Variants in AKAP19 observed in about 807,000 individuals in gnomAD.
AKAP19 encodes the protein A-kinase anchoring protein 19.
At chr2:190,095,312 T>C in the AKAP19 span, among the ~76,000 whole-genome samples, 1 of 152,192 alleles carries the variant, frequency 6.6e-6, no homozygotes, top group East Asian at 1.9e-4. Context: ...CCTTTGGTAA[T>C]ATCAGTGCAA....
At chr2:190,166,750 G>A in the AKAP19 span, among the ~76,000 whole-genome samples, 2 of 151,972 alleles carry the variant, frequency 1.3e-5, no homozygotes, top group Non-Finnish European at 2.9e-5. Context: ...GAATAGAATG[G>A]GACTTCCTTG....
At chr2:189,996,843 C>T in the AKAP19 span, among the ~76,000 whole-genome samples, 1 of 152,170 alleles carries the variant, frequency 6.6e-6, no homozygotes, top group Non-Finnish European at 1.5e-5. Context: ...GAGAGCTGGA[C>T]TGCACTGTTT....
chr2:190,069,872 G>C, the AKAP19 span, among the ~76,000 whole-genome samples: 1 of 152,222 alleles, frequency 6.6e-6, no homozygotes, highest in South Asian at 2.1e-4. Context: ...AGGATGTTAA[G>C]GTTATTCTAT....
At chr2:189,883,507 GTTTT>G in the AKAP19 span, among the ~76,000 whole-genome samples, 2 of 123,768 alleles carry the variant, frequency 1.6e-5, no homozygotes, top group African/African-American at 2.8e-5. Context: ...GTTTCTTCCT[GTTTT>G]TTTTTTTTTT....
the AKAP19 span, among the ~76,000 whole-genome samples, chr2:190,029,262 G>C: frequency 6.6e-6 from 1 of 152,058 alleles, no homozygotes; most frequent in Non-Finnish European, 1.5e-5. Context: ...ATGTTGGTCA[G>C]GCTGGTCTTA....
the AKAP19 span, among the ~76,000 whole-genome samples, chr2:190,103,346 T>C: frequency 2.2e-4 from 34 of 152,166 alleles, no homozygotes; most frequent in African/African-American, 7.0e-4. Context: ...GCCAGAGCAA[T>C]CGGAAGAGAA....
chr2:190,167,520 C>T, the AKAP19 span, among the ~76,000 whole-genome samples: 1,097 of 152,252 alleles, frequency 7.2e-3, 5 homozygotes, highest in Middle Eastern at 0.02. Context: ...AGTCCACAGC[C>T]AAAATGAGAC....
the AKAP19 span, among the ~76,000 whole-genome samples, chr2:190,035,380 A>G: frequency 1.3e-4 from 20 of 151,992 alleles, no homozygotes; most frequent in East Asian, 5.8e-4. Flanking sequence ...GCAGTGAGCC[A>G]AGATCGTGCC....
At chr2:189,995,298 TA>T in the AKAP19 span, among the ~76,000 whole-genome samples, 1 of 152,224 alleles carries the variant, frequency 6.6e-6, no homozygotes, top group Non-Finnish European at 1.5e-5. Flanking sequence ...GGAGCTCCAG[TA>T]TTAGGTGCAT....
At chr2:189,999,283 T>C in the AKAP19 span, among the ~76,000 whole-genome samples, 1 of 152,204 alleles carries the variant, frequency 6.6e-6, no homozygotes, top group South Asian at 2.1e-4. Flanking sequence ...TGTTTCGTTT[T>C]CATTTATTTC....
chr2:190,166,107 G>T, the AKAP19 span, among the ~76,000 whole-genome samples: 3 of 151,832 alleles, frequency 2.0e-5, no homozygotes, highest in Non-Finnish European at 2.9e-5. Flanking sequence ...AGAAGCACTG[G>T]TGAACAAAGA....
the AKAP19 span, among the ~76,000 whole-genome samples, chr2:190,122,682 C>T: frequency 6.6e-6 from 1 of 152,162 alleles, no homozygotes; most frequent in Non-Finnish European, 1.5e-5. Context: ...AGCCTTTATT[C>T]CTTACAAATG....
At chr2:189,997,440 C>T in the AKAP19 span, among the ~76,000 whole-genome samples, 2 of 152,142 alleles carry the variant, frequency 1.3e-5, no homozygotes, top group Non-Finnish European at 2.9e-5. Flanking sequence ...TTCAGACTCT[C>T]CTGGGCAGGG....
chr2:189,939,243 C>T, the AKAP19 span, among the ~76,000 whole-genome samples: 1 of 152,138 alleles, frequency 6.6e-6, no homozygotes, highest in African/African-American at 2.4e-5. Flanking sequence ...AGGTTTGTTC[C>T]ATCGTTCCCG....
At chr2:190,187,090 T>G in the AKAP19 span, among the ~76,000 whole-genome samples, 1 of 152,196 alleles carries the variant, frequency 6.6e-6, no homozygotes, top group Non-Finnish European at 1.5e-5. Context: ...TCTGCCCACC[T>G]CGAGTTATGT....
At chr2:189,912,724 T>C in the AKAP19 span, among the ~76,000 whole-genome samples, 9 of 152,362 alleles carry the variant, frequency 5.9e-5, no homozygotes, top group East Asian at 1.7e-3. Flanking sequence ...TAACATGTCA[T>C]GGTTAACATG....
the AKAP19 span, among the ~76,000 whole-genome samples, chr2:190,085,215 C>T: frequency 2.0e-5 from 3 of 152,162 alleles, no homozygotes; most frequent in South Asian, 2.1e-4. Flanking sequence ...ATATATTTTA[C>T]CATAGGAACA....
chr2:190,197,160 G>T, the AKAP19 span, among the ~76,000 whole-genome samples: 1 of 152,068 alleles, frequency 6.6e-6, no homozygotes, highest in Admixed American at 6.6e-5. The surrounding 1 kb of genome is among the most constrained non-coding windows in gnomAD (Gnocchi z 4.0). Context: ...TGGGGATTAG[G>T]TTTCAATATA....
the AKAP19 span, among the ~76,000 whole-genome samples, chr2:190,088,891 G>A: frequency 6.6e-6 from 1 of 152,198 alleles, no homozygotes; most frequent in Non-Finnish European, 1.5e-5. Flanking sequence ...CCAAAGGCCT[G>A]TTTCATCAAT....
Sources: allele counts gnomAD v4.1 joint callset (sites outside exome capture counted in the v4.1 genomes callset), GRCh38; gene constraint gnomAD v4.1.1; non-coding constraint Gnocchi (gnomAD v3.1); transcripts MANE v1.5; gene names NCBI Gene and HGNC (gene_info 2026-07-23, HGNC 2026-07-21).